The following MAGOHB variants were observed in gnomAD, a reference collection of about 807,000 sequenced individuals.
MAGOHB encodes mago homolog B, exon junction complex subunit.
In MAGOHB, 15 loss-of-function variants were observed where a neutral mutation model predicts 20.9. The observed-to-expected ratio is 0.72, with a 90% CI of 0.48 to 1.11. The LOEUF (loss-of-function observed/expected upper bound fraction) is 1.11. MAGOHB is among the 50% of genes least tolerant of loss of function. MAGOHB has a pLI of 0.00. For missense variants in MAGOHB, 162 were observed against 177.6 expected, an observed-to-expected ratio of 0.91 and a Z score of 0.50; for synonymous variants, 50 against 57.9, an observed-to-expected ratio of 0.86 and a Z score of 0.62.
At chr12:10,602,926 G>A (rs1028684111), downstream of MAGOHB, among the ~76,000 whole-genome samples, 1 of 152,110 alleles carries the variant, frequency 6.6e-6, no homozygotes, top group Non-Finnish European at 1.5e-5. Flanking sequence ...CCCCTAGCAT[G>A]CAGGGAAGAT....
At chr12:10,603,633 TATTCTCTCCACCACA>T (rs1458811743), downstream of MAGOHB, among the ~76,000 whole-genome samples, 1 of 152,160 alleles carries the variant, frequency 6.6e-6, no homozygotes, top group Non-Finnish European at 1.5e-5. Context: ...CTTAAATTAG[TATTCTCTCCACCACA>T]TCACACAGTT....
At chr12:10,609,322 C>A in intron 3 of MAGOHB, 1 of 410,908 alleles carries the variant, frequency 2.4e-6, no homozygotes, top group Non-Finnish European at 4.8e-6. Flanking sequence ...ACCAAACTTT[C>A]TTTTTACAGA....
chr12:10,609,790 T>C (rs1439878798), intron 3 of MAGOHB, 41 bp downstream of exon 3: 2 of 1,249,848 alleles, frequency 1.6e-6, no homozygotes, highest in Admixed American at 1.9e-5. Context: ...GTATTATCAA[T>C]TTTTAATATT....
At chr12:10,602,141 GAGACT>G (rs1865559921), downstream of MAGOHB, among the ~76,000 whole-genome samples, 1 of 152,188 alleles carries the variant, frequency 6.6e-6, no homozygotes, top group Non-Finnish European at 1.5e-5. Context: ...TCTCAGGATG[GAGACT>G]AGACAAGTGC....
At chr12:10,608,207 G>C (rs1031556583) in intron 3 of MAGOHB, 3 of 254,128 alleles carry the variant, frequency 1.2e-5, no homozygotes, top group African/African-American at 2.2e-5. Context: ...AAATGACAAA[G>C]AAATATTTCT....
chr12:10,613,166 T>C (rs1013002691), intron 1 of MAGOHB, among the ~76,000 whole-genome samples: 2 of 152,230 alleles, frequency 1.3e-5, no homozygotes, highest in African/African-American at 4.8e-5. Flanking sequence ...GCTAGCATTT[T>C]CAATCAGGGC....
At position 10,605,079 on chromosome 12, in the gene MAGOHB, G is replaced by A. The variant is rs778561613; in HGVS notation, c.*1196C>T. 4 of 151,876 alleles carry A rather than the reference G, an allele frequency of 2.6e-5. No homozygotes were observed. The highest frequency in any genetic ancestry group is 5.9e-5 in the Non-Finnish European group (4 of 68,036). The allele number at this position is 151,876 out of a possible 1,614,324, so 9.4% of individuals were successfully genotyped here. ...AATCTAGGTAGGGGTAGGCATATAG[G>A]TGTTCACTTTATAGTTCTCAAGAGT... On this transcript the variant is annotated 3_prime_UTR_variant, in exon 5 of 5. Coordinates refer to ENST00000320756, the MANE Select transcript of MAGOHB (RefSeq NM_018048.5).
At chr12:10,610,819 GCT>G in intron 1 of MAGOHB, 139 bp from the exon 2 acceptor site, 1 of 732,356 alleles carries the variant, frequency 1.4e-6, no homozygotes, top group Non-Finnish European at 2.0e-6. Context: ...TAAGATCATT[GCT>G]AGACATGTAG....
chr12:10,611,419 A>G (rs1388871598), intron 1 of MAGOHB, among the ~76,000 whole-genome samples: 1 of 152,044 alleles, frequency 6.6e-6, no homozygotes, highest in Non-Finnish European at 1.5e-5. Context: ...TATAATGTGC[A>G]ACAGGTACTC....
At position 10,606,231 on chromosome 12, in the gene MAGOHB, C is replaced by G; in HGVS notation, c.*44G>C. 1.9e-6 allele frequency: 2 copies of G among 1,051,182 alleles called. No homozygotes were observed. Among genetic ancestry groups the G allele is most frequent in the Non-Finnish European group, 2.8e-6 (2 of 724,268 alleles). The allele number at this position is 1,051,182 out of a possible 1,614,324, so 65.1% of individuals were successfully genotyped here. On this transcript the variant is annotated 3_prime_UTR_variant, in exon 5 of 5. Coordinates refer to ENST00000320756, the MANE Select transcript of MAGOHB (RefSeq NM_018048.5). ...ATACTGTAAATGACAAATAACCCCT[C>G]CCATCCCTTAATTAAATATACAAAC...
chr12:10,612,972 A>G (rs1266004014), intron 1 of MAGOHB: 3 of 1,286,290 alleles, frequency 2.3e-6, no homozygotes, highest in Non-Finnish European at 3.0e-6. Context: ...GGTACTCTTC[A>G]TGCGTCCTAT....
chr12:10,610,808 G>T, intron 1 of MAGOHB, 128 bp from the exon 2 acceptor site: 1 of 875,056 alleles, frequency 1.1e-6, no homozygotes, highest in African/African-American at 2.0e-5. Flanking sequence ...CCCTCCTTGT[G>T]TAAGATCATT....
intron 3 of MAGOHB, 53 bp from the exon 4 acceptor site, chr12:10,607,989 A>ATCT: frequency 9.0e-7 from 1 of 1,114,146 alleles, no homozygotes; most frequent in Admixed American, 2.2e-5. Context: ...TCCCAGAGGT[A>ATCT]TCTGTATTCT....
chr12:10,602,708 G>A (rs1244399973), downstream of MAGOHB, among the ~76,000 whole-genome samples: 1 of 152,066 alleles, frequency 6.6e-6, no homozygotes, highest in African/African-American at 2.4e-5. Context: ...TCATCTTCTG[G>A]CTCCTTTCCT....
At chr12:10,603,066 A>G (rs1177260027), downstream of MAGOHB, among the ~76,000 whole-genome samples, 1 of 152,124 alleles carries the variant, frequency 6.6e-6, no homozygotes, top group Non-Finnish European at 1.5e-5. Flanking sequence ...TAGTAAAGAA[A>G]AAGATAAAAC....
chr12:10,610,477 T>C (rs1475029091), intron 2 of MAGOHB, 145 bp downstream of exon 2: 2 of 1,005,806 alleles, frequency 2.0e-6, no homozygotes, highest in Non-Finnish European at 2.7e-6. Context: ...CTAATTTAAA[T>C]GGAAACTCTT....
chr12:10,609,857 G>A lies in MAGOHB; in HGVS notation c.238C>T (p.Pro80Ser), dbSNP rs145401994. 8.4e-5 allele frequency: 135 copies of A among 1,611,646 alleles called. No individual in the cohort carries two copies. The highest frequency in any genetic ancestry group is 1.1e-4 in the Non-Finnish European group (126 of 1,178,514). The change falls in exon 3 of 5, where the codon CCT becomes TCT. Residue 80 changes from proline to serine, a missense_variant. Physicochemically the swap from Pro to Ser is moderately conservative, Grantham distance 74. Coordinates refer to ENST00000320756, the MANE Select transcript of MAGOHB (RefSeq NM_018048.5). ...TGTCGGCCAACCCTATCAGGGGGAG[G>A]CCACAAAGCATCATCTTCTTTTGTA... ...EITKEDDALW[P>S]PPDRVGRQEL...
chr12:10,607,777 G>A, intron 4 of MAGOHB, 77 bp downstream of exon 4: 1 of 782,384 alleles, frequency 1.3e-6, no homozygotes, highest in East Asian at 2.6e-5. Flanking sequence ...AATTATCTTG[G>A]CTAGCAAACT....
chr12:10,610,645 T>C lies in MAGOHB; in HGVS notation c.130A>G (p.Asn44Asp). The C allele has an allele frequency of 6.3e-7, 1 of 1,583,588 alleles. No homozygotes were observed. The highest frequency in any genetic ancestry group is 8.5e-7 in the Non-Finnish European group (1 of 1,169,938). Residue 44 changes from asparagine (N) to aspartate (D), a missense_variant, in exon 2 of 5, where the codon AAT becomes GAT. Physicochemically the swap from Asn to Asp is conservative, Grantham distance 23. Coordinates refer to ENST00000320756, the MANE Select transcript of MAGOHB (RefSeq NM_018048.5). Reference protein sequence around the residue: ...LRYANNSNYKNDVMIRKEAYV... With the variant: ...LRYANNSNYKDDVMIRKEAYV... ...ACCTCTTTTCTGATCATGACATCAT[T>C]TTTGTAATTGCTGTTGTTGGCATAT...
Sources: gnomAD v4.1 joint callset for allele counts (sites outside exome capture counted in the v4.1 genomes callset) on GRCh38, gnomAD v4.1.1 for gene constraint, MANE v1.5 for transcripts, NCBI Gene and HGNC (gene_info 2026-07-23, HGNC 2026-07-21) for gene names.